INPP4B: variants seen among roughly 807,000 people sequenced by gnomAD.
The protein encoded by INPP4B is inositol polyphosphate 4-phosphatase type II.
INPP4B carries 55 observed loss-of-function variants against 122.5 expected under a neutral mutation model. The observed-to-expected ratio is 0.45, with a 90% CI of 0.36 to 0.56. The LOEUF is 0.56. Among genes scored for constraint, INPP4B ranks in the 20% least tolerant of loss-of-function variants. The pLI is 0.00. For missense variants in INPP4B, 1,000 were observed against 1,097.7 expected, an observed-to-expected ratio of 0.91 and a Z score of 1.26; for synonymous variants, 403 against 388.7, an observed-to-expected ratio of 1.04 and a Z score of -0.43.
intron 7 of INPP4B, among the ~76,000 whole-genome samples, chr4:142,350,205 T>C (rs1430221915): frequency 6.6e-6 from 1 of 152,018 alleles, no homozygotes; most frequent in East Asian, 1.9e-4. Context: ...ATGTAATTTG[T>C]AATGGTACTT....
chr4:142,055,139 C>T (rs1046808894), intron 25 of INPP4B, among the ~76,000 whole-genome samples: 4 of 151,920 alleles, frequency 2.6e-5, no homozygotes, highest in Admixed American at 2.0e-4. Flanking sequence ...CTTATAATTC[C>T]AAAGTAATAC....
chr4:142,482,602 C>CT (rs1056993788), intron 2 of INPP4B, among the ~76,000 whole-genome samples: 7 of 152,140 alleles, frequency 4.6e-5, no homozygotes, highest in African/African-American at 1.7e-4. Flanking sequence ...GGTGGACTCT[C>CT]TTTTCTCTAA....
chr4:142,232,625 A>T (rs567125031), intron 12 of INPP4B, among the ~76,000 whole-genome samples: 1 of 152,024 alleles, frequency 6.6e-6, no homozygotes, highest in East Asian at 1.9e-4. Context: ...GCCAATCTAT[A>T]ACCCTACAAT....
At chr4:142,550,221 G>C (rs577225936) in intron 2 of INPP4B, among the ~76,000 whole-genome samples, 1 of 152,086 alleles carries the variant, frequency 6.6e-6, no homozygotes, top group Non-Finnish European at 1.5e-5. Flanking sequence ...CTCACTATGT[G>C]GTGGGCACAG....
At chr4:142,775,830 T>G (rs1773822649) in intron 1 of INPP4B, among the ~76,000 whole-genome samples, 1 of 152,286 alleles carries the variant, frequency 6.6e-6, no homozygotes, top group East Asian at 1.9e-4. Context: ...TTAAGCATGA[T>G]GTTTACTGTA....
At chr4:142,655,604 T>C (rs1753977073) in intron 2 of INPP4B, among the ~76,000 whole-genome samples, 1 of 152,218 alleles carries the variant, frequency 6.6e-6, no homozygotes, top group Admixed American at 6.5e-5. Context: ...GAGTCTACGA[T>C]TAAGTAACAA....
intron 2 of INPP4B, among the ~76,000 whole-genome samples, chr4:142,634,344 C>T (rs77988606): frequency 0.014 from 2,059 of 152,148 alleles, 36 homozygotes; most frequent in African/African-American, 0.039. Context: ...AAATTCTTCA[C>T]TTTTTTAAAA....
chr4:142,364,186 C>T (rs1561937190), intron 7 of INPP4B, among the ~76,000 whole-genome samples: 2 of 152,092 alleles, frequency 1.3e-5, no homozygotes, highest in South Asian at 2.1e-4. Flanking sequence ...ATGTGTAATG[C>T]TAAGAACAGA....
chr4:142,638,175 T>C (rs370943359), intron 2 of INPP4B, among the ~76,000 whole-genome samples: 47 of 152,332 alleles, frequency 3.1e-4, no homozygotes, highest in African/African-American at 1.1e-3. Context: ...GACATTGTCT[T>C]TCAGAGCAGA....
At chr4:142,303,755 T>G (rs1762361423) in intron 9 of INPP4B, among the ~76,000 whole-genome samples, 1 of 152,164 alleles carries the variant, frequency 6.6e-6, no homozygotes, top group South Asian at 2.1e-4. Flanking sequence ...TTGTTTTATA[T>G]AATCAAGATC....
At position 142,484,716 on chromosome 4, in the gene INPP4B, A is replaced by G. The variant is rs1560710855; in HGVS notation, c.-190-21990T>C. 9.2e-5 allele frequency among the ~76,000 whole-genome samples: 14 copies of G among 152,118 alleles called. No homozygotes were observed. In the South Asian group the frequency reaches 2.9e-3, roughly 32 times the overall value. On this transcript the variant is annotated intron_variant, in intron 2 of 25. Transcript: ENST00000262992. ...CAGATTATTTCATCACCTAGGTATT[A>G]AGCCTAGTATCCATTAGTTATTTTT...
chr4:142,209,106 G>C (rs2149528880), intron 12 of INPP4B, 80 bp from the exon 13 acceptor site: 1 of 974,870 alleles, frequency 1.0e-6, no homozygotes, highest in Non-Finnish European at 1.4e-6. Flanking sequence ...GAGTTGTCAA[G>C]ATAATAAGAA....
At chr4:142,594,752 G>A (rs140276573) in intron 2 of INPP4B, among the ~76,000 whole-genome samples, 3 of 152,020 alleles carry the variant, frequency 2.0e-5, no homozygotes, top group East Asian at 1.9e-4. Flanking sequence ...TCAGGAGATC[G>A]AGACCATCCT....
At chr4:142,379,353 C>A (rs191634155) in intron 7 of INPP4B, among the ~76,000 whole-genome samples, 1 of 152,094 alleles carries the variant, frequency 6.6e-6, no homozygotes. Context: ...TCAAAGAGAG[C>A]TTTACTTAAT....
chr4:142,398,388 AAAAAAAAAAAAAAATATATATATAT>A (rs1800140863), intron 7 of INPP4B, among the ~76,000 whole-genome samples: 2 of 28,236 alleles, frequency 7.1e-5, no homozygotes, highest in Non-Finnish European at 1.4e-4. Flanking sequence ...AAAAAAAAAA[AAAAAAAAAAAAAAATATATATATAT>A]ATATATATAT....
intron 2 of INPP4B, among the ~76,000 whole-genome samples, chr4:142,506,073 G>A (rs1823990649): frequency 6.6e-6 from 1 of 152,122 alleles, no homozygotes. Context: ...GAGTGTCGAA[G>A]TTTGTTTTAA....
chr4:142,454,407 C>T (rs184568410), intron 3 of INPP4B, among the ~76,000 whole-genome samples: 6 of 152,196 alleles, frequency 3.9e-5, no homozygotes. Flanking sequence ...GTGTTTACTA[C>T]TTAAAACCCA....
At chr4:142,116,302 C>A (rs991920349) in intron 21 of INPP4B, among the ~76,000 whole-genome samples, 1 of 152,070 alleles carries the variant, frequency 6.6e-6, no homozygotes, top group Non-Finnish European at 1.5e-5. Flanking sequence ...CAGCTCTGCA[C>A]CAAGCAGACC....
intron 7 of INPP4B, among the ~76,000 whole-genome samples, chr4:142,399,301 A>T (rs1800839055): frequency 7.1e-6 from 1 of 140,742 alleles, no homozygotes; most frequent in Non-Finnish European, 1.5e-5. Context: ...AGTTCAAGAT[A>T]TTCTCCTGCC....
Sources: allele counts gnomAD v4.1 joint callset (sites outside exome capture counted in the v4.1 genomes callset), GRCh38; gene constraint gnomAD v4.1.1; transcripts MANE v1.5; gene names NCBI Gene and HGNC (gene_info 2026-07-23, HGNC 2026-07-21).